The following SEC11A variants were observed in gnomAD, a reference collection of about 807,000 sequenced individuals.
The protein encoded by SEC11A is SEC11 homolog A, signal peptidase complex subunit.
In SEC11A, 14 loss-of-function variants were observed where a neutral mutation model predicts 25.6. That is an observed-to-expected ratio of 0.55 (90% CI 0.36 to 0.85). The LOEUF (loss-of-function observed/expected upper bound fraction) is 0.85. Among genes scored for constraint, SEC11A ranks in the 40% least tolerant of loss-of-function variants. SEC11A has a pLI of 0.01. For missense variants in SEC11A, 153 were observed against 222.9 expected, an observed-to-expected ratio of 0.69 and a Z score of 2.00; for synonymous variants, 83 against 76.4, an observed-to-expected ratio of 1.09 and a Z score of -0.45.
intron 4 of SEC11A, among the ~76,000 whole-genome samples, chr15:84,675,783 T>A (rs1251021781): frequency 6.6e-6 from 1 of 152,236 alleles, no homozygotes; most frequent in Non-Finnish European, 1.5e-5. Context: ...AGAAATCACC[T>A]TTATTAATAC....
rs770587972 is a variant in SEC11A, at chr15:84,669,851, G to A, written c.*168C>T. On this transcript the variant is annotated 3_prime_UTR_variant, in exon 6 of 6. Transcript: ENST00000268220. ...CGAGTGCACTCTGTGGTGCACATGC[G>A]CCCGCCCACACAAACTCTGGCATGG... 9.5e-6 allele frequency: 12 copies of A among 1,265,696 alleles called. No homozygotes were observed. Among genetic ancestry groups the A allele is most frequent in the Middle Eastern group, 2.1e-4 (1 of 4,716 alleles). The allele number at this position is 1,265,696 out of a possible 1,614,324, so 78.4% of individuals were successfully genotyped here.
chr15:84,706,784 C>T (rs143624379), intron 1 of SEC11A, among the ~76,000 whole-genome samples: 182 of 152,272 alleles, frequency 1.2e-3, no homozygotes, highest in African/African-American at 4.3e-3. Flanking sequence ...AGTAGGTTTC[C>T]CCAAATGCCC....
intron 3 of SEC11A, among the ~76,000 whole-genome samples, chr15:84,681,781 A>G (rs981322762): frequency 1.3e-5 from 2 of 152,026 alleles, no homozygotes; most frequent in African/African-American, 4.8e-5. Context: ...TGATGATACT[A>G]AAGAATTGTT....
At chr15:84,700,541 C>T (rs1897898955) in intron 1 of SEC11A, among the ~76,000 whole-genome samples, 1 of 126,832 alleles carries the variant, frequency 7.9e-6, no homozygotes, top group Non-Finnish European at 1.6e-5. Flanking sequence ...TTGCAGTGAG[C>T]CGAGATCACA....
intron 4 of SEC11A, among the ~76,000 whole-genome samples, chr15:84,675,647 T>C (rs1290564747): frequency 6.6e-6 from 1 of 152,232 alleles, no homozygotes; most frequent in African/African-American, 2.4e-5. Context: ...TTTTTAATTC[T>C]TCTTTCCATT....
chr15:84,692,041 T>TTTTG (rs1897626105), intron 1 of SEC11A: 1 of 152,688 alleles, frequency 6.5e-6, no homozygotes, highest in Non-Finnish European at 1.4e-5. Context: ...TTTTTTTTTT[T>TTTTG]GAGATGGAGC....
chr15:84,689,993 G>A (rs376088393), intron 2 of SEC11A, among the ~76,000 whole-genome samples: 4 of 152,082 alleles, frequency 2.6e-5, no homozygotes, highest in Admixed American at 6.6e-5. Context: ...GAGTGGTTGC[G>A]CATGGTGGCT....
chr15:84,695,566 G>A (rs1482166711), intron 1 of SEC11A, among the ~76,000 whole-genome samples: 4 of 152,160 alleles, frequency 2.6e-5, no homozygotes, highest in Admixed American at 6.5e-5. Context: ...AGGACGTAAA[G>A]GCTGCAGTGA....
At chr15:84,704,878 T>A (rs1898048909) in intron 1 of SEC11A, among the ~76,000 whole-genome samples, 1 of 151,520 alleles carries the variant, frequency 6.6e-6, no homozygotes, top group South Asian at 2.1e-4. Context: ...TTCCTCATCC[T>A]GGAGGATAGT....
intron 4 of SEC11A, among the ~76,000 whole-genome samples, chr15:84,680,252 GAT>G (rs1174787639): frequency 6.6e-6 from 1 of 151,098 alleles, no homozygotes; most frequent in African/African-American, 2.4e-5. Context: ...AGTGAGCTGA[GAT>G]CGCGCTATTG....
chr15:84,710,081 T>C (rs1274384807), intron 1 of SEC11A, among the ~76,000 whole-genome samples: 1 of 152,176 alleles, frequency 6.6e-6, no homozygotes, highest in African/African-American at 2.4e-5. Context: ...TTTGGCCTAG[T>C]GAAGTAATAA....
intron 1 of SEC11A, among the ~76,000 whole-genome samples, chr15:84,715,573 T>C (rs1265231012): frequency 6.6e-6 from 1 of 152,146 alleles, no homozygotes; most frequent in African/African-American, 2.4e-5. Flanking sequence ...TGCAAGGAGC[T>C]GAAAGCAGCA....
In SEC11A at chr15:84,716,137, A is replaced by C; in HGVS notation, c.-62T>G. 1 of 1,523,178 alleles carries C rather than the reference A, an allele frequency of 6.6e-7. No homozygotes were observed. The highest frequency in any genetic ancestry group is 9.1e-7 in the Non-Finnish European group (1 of 1,100,976). The allele number at this position is 1,523,178 out of a possible 1,614,324, so 94.4% of individuals were successfully genotyped here. A position where few individuals can be genotyped will look rare whatever the true frequency, so the allele number is the denominator to read the frequency against. The stretch of plus-strand genomic sequence containing the variant: ...GGCGCGATGACCAGCGGGCGGAACT[A>C]CTGGAGCTCGGGTCGGGCTCACACT... On this transcript the variant is annotated 5_prime_UTR_variant, in exon 1 of 6. Transcript: ENST00000268220.
At chr15:84,696,903 C>T (rs933346988) in intron 1 of SEC11A, among the ~76,000 whole-genome samples, 4 of 151,894 alleles carry the variant, frequency 2.6e-5, no homozygotes, top group Non-Finnish European at 5.9e-5. Flanking sequence ...AAAATGCCCA[C>T]CGGGTGCAAT....
intron 1 of SEC11A, among the ~76,000 whole-genome samples, chr15:84,698,118 G>C (rs1897820919): frequency 6.6e-6 from 1 of 151,920 alleles, no homozygotes; most frequent in African/African-American, 2.4e-5. Context: ...AAGAAATTAA[G>C]AAAAACCTAA....
chr15:84,705,581 G>A (rs1390860614), intron 1 of SEC11A, among the ~76,000 whole-genome samples: 3 of 151,964 alleles, frequency 2.0e-5, no homozygotes, highest in Non-Finnish European at 4.4e-5. Context: ...CAGACCAGGC[G>A]CAGTGGCTCA....
At chr15:84,677,511 C>A (rs1348564100) in intron 4 of SEC11A, among the ~76,000 whole-genome samples, 2 of 148,138 alleles carry the variant, frequency 1.4e-5, no homozygotes, top group Non-Finnish European at 3.0e-5. Flanking sequence ...GCCGCTCTGT[C>A]ACTCAGGCTG....
At chr15:84,685,424 AT>A (rs35058951) in intron 3 of SEC11A, among the ~76,000 whole-genome samples, 28,732 of 133,492 alleles carry the variant, frequency 0.22, 3,169 homozygotes, top group Middle Eastern at 0.35. Flanking sequence ...TGCCTGACTC[AT>A]TTTTTTTTTT....
chr15:84,678,504 A>G (rs573428503), intron 4 of SEC11A, among the ~76,000 whole-genome samples: 7 of 152,336 alleles, frequency 4.6e-5, no homozygotes, highest in South Asian at 2.1e-4. Context: ...AATAAAATCT[A>G]TATGTTCTAT....
Sources: gnomAD v4.1 joint callset for allele counts (sites outside exome capture counted in the v4.1 genomes callset) on GRCh38, gnomAD v4.1.1 for gene constraint, MANE v1.5 for transcripts, NCBI Gene and HGNC (gene_info 2026-07-23, HGNC 2026-07-21) for gene names.